The following FAM228A variants were observed in gnomAD, a reference collection of about 807,000 sequenced individuals.
The protein encoded by FAM228A is family with sequence similarity 228 member A.
In FAM228A, 13 loss-of-function variants were observed where a neutral mutation model predicts 18.6. That is an observed-to-expected ratio of 0.70 (90% confidence interval 0.45 to 1.11). The LOEUF (loss-of-function observed/expected upper bound fraction) is 1.11. FAM228A is among the 50% of genes least tolerant of loss of function. The pLI is 0.00. For missense variants in FAM228A, 240 were observed against 242.2 expected, an observed-to-expected ratio of 0.99 and a Z score of 0.06; for synonymous variants, 77 against 86.6, an observed-to-expected ratio of 0.89 and a Z score of 0.61.
At chr2:24,190,299 C>T (rs761316739) in intron 5 of FAM228A, 113 bp from the exon 6 acceptor site, 54 of 1,291,018 alleles carry the variant, frequency 4.2e-5, no homozygotes, top group Middle Eastern at 2.7e-4. Flanking sequence ...GCTGGTCAGT[C>T]GTTCCTTCTC....
chr2:24,175,391 C>A, intron 1 of FAM228A, 76 bp from the exon 2 acceptor site: 1 of 1,045,352 alleles, frequency 9.6e-7, no homozygotes, highest in Non-Finnish European at 1.5e-6. Context: ...GGGATTTGAA[C>A]ACTCCCTGAG....
At position 24,190,584 on chromosome 2, in the gene FAM228A, G is replaced by A. The variant is rs777963297; in HGVS notation, c.574G>A (p.Ala192Thr). The change falls in exon 6 of 6, where the codon GCA becomes ACA. Residue 192 changes from alanine (A) to threonine (T), a missense_variant. By Grantham distance (58) the Ala-to-Thr change is moderately conservative (BLOSUM62 0). Coordinates refer to ENST00000295150, the MANE Select transcript of FAM228A (RefSeq NM_001040710.3). ...VSRGLGRGWH[A>T]GLCSTHEQHI... The stretch of plus-strand genomic sequence containing the variant: ...CAGAGGCCTGGGGCGGGGCTGGCAT[G>A]CAGGGCTTTGCAGCACCCACGAGCA... The A allele has an allele frequency of 6.2e-7, 1 of 1,604,372 alleles. No homozygotes were observed. The highest frequency in any genetic ancestry group is 1.7e-5 in the Admixed American group (1 of 57,754).
rs1668066998 is a variant in FAM228A at position 24,190,830 on chromosome 2, C to T, written c.*199C>T. 7.9e-7 allele frequency: 1 copy of T among 1,268,382 alleles called. No individual in the cohort carries two copies. Among genetic ancestry groups the T allele is most frequent in the African/African-American group, 1.5e-5 (1 of 65,736 alleles). 78.6% of individuals were successfully genotyped at this position (1,268,382 alleles called of 1,614,324 possible). A position where few individuals can be genotyped will look rare whatever the true frequency, so the allele number is the denominator to read the frequency against. On this transcript the variant is annotated 3_prime_UTR_variant, in exon 6 of 6. Coordinates refer to ENST00000295150, the MANE Select transcript of FAM228A (RefSeq NM_001040710.3). ...TGGTAAATGTGGGACCTGGACCCCA[C>T]TTTCCGGAGACATCCTGTCCTTCCG...
At chr2:24,183,693 T>G (rs1256468511) in intron 5 of FAM228A, 48 bp downstream of exon 5, 1 of 1,501,408 alleles carries the variant, frequency 6.7e-7, no homozygotes, top group East Asian at 2.3e-5. Flanking sequence ...TGCAACTTAC[T>G]TTATTTCCTA....
intron 5 of FAM228A, among the ~76,000 whole-genome samples, chr2:24,186,524 A>G (rs1031795761): frequency 1.3e-5 from 2 of 151,378 alleles, no homozygotes; most frequent in African/African-American, 4.9e-5. Flanking sequence ...AAGGAAGTTC[A>G]TTTTCTTAGT....
rs567154124 is a variant in FAM228A, at chr2:24,175,890, C to G, written c.93+317C>G. On this transcript the variant is annotated intron_variant, in intron 2 of 5. Coordinates refer to ENST00000295150, the MANE Select transcript of FAM228A (RefSeq NM_001040710.3). The stretch of plus-strand genomic sequence containing the variant: ...TACTTCAGCGTCTGGTAATGATTTT[C>G]TCAAAAAGTTTCATTATTTTGTGTC... The G allele has an allele frequency of 7.4e-6, 8 of 1,082,928 alleles. No individual in the cohort carries two copies. In the East Asian group the frequency reaches 5.0e-4, roughly 67 times the overall value. 67.1% of individuals were successfully genotyped at this position (1,082,928 alleles called of 1,614,324 possible). A position where few individuals can be genotyped will look rare whatever the true frequency, so the allele number is the denominator to read the frequency against.
chr2:24,175,057 G>A lies in FAM228A; in HGVS notation c.-132G>A. On this transcript the variant is annotated 5_prime_UTR_variant, in exon 1 of 6. Transcript: ENST00000295150. ...CCCCGGGATCTGGCGTGGCGCATGC[G>A]CCCCGACGCTCGGGCCCGCGGGCTC... The A allele has an allele frequency of 6.2e-6, 1 of 161,554 alleles. No homozygotes were observed. The highest frequency in any genetic ancestry group is 1.3e-5 in the Non-Finnish European group (1 of 74,656). The allele number at this position is 161,554 out of a possible 1,614,324, so 10.0% of individuals were successfully genotyped here.
intron 5 of FAM228A, chr2:24,188,535 T>G (rs910011294): frequency 3.0e-5 from 30 of 985,212 alleles, no homozygotes; most frequent in Non-Finnish European, 3.6e-5. Context: ...GAGGGTGATG[T>G]TGAGAACAAG....
rs915916659 is a variant in FAM228A, at chr2:24,191,628, C to T, written c.*997C>T. ...CCCACCAGCTCACATTTACTGTTTTCGTGTGTGTGGTGAGAATACTCACAA... is the reference window on the plus strand; with the variant it reads ...CCCACCAGCTCACATTTACTGTTTTTGTGTGTGTGGTGAGAATACTCACAA... On this transcript the variant is annotated 3_prime_UTR_variant, in exon 6 of 6. Transcript: ENST00000295150. 7 of 363,264 alleles carry T rather than the reference C, an allele frequency of 1.9e-5. No homozygotes were observed. The highest frequency in any genetic ancestry group is 6.6e-5 in the African/African-American group (3 of 45,578). 22.5% of individuals were successfully genotyped at this position (363,264 alleles called of 1,614,324 possible).
At chr2:24,189,990 C>T (rs1668041597) in intron 5 of FAM228A, among the ~76,000 whole-genome samples, 1 of 152,164 alleles carries the variant, frequency 6.6e-6, no homozygotes, top group Non-Finnish European at 1.5e-5. Context: ...GGCTATGTGG[C>T]ACTCACCATT....
At chr2:24,180,557 T>C (rs1047876222) in intron 3 of FAM228A, among the ~76,000 whole-genome samples, 8 of 152,258 alleles carry the variant, frequency 5.3e-5, no homozygotes, top group Admixed American at 5.2e-4. Flanking sequence ...GAGCTCAAGA[T>C]TGAATCCAGA....
At chr2:24,190,072 G>T (rs1244987202) in intron 5 of FAM228A, among the ~76,000 whole-genome samples, 2 of 152,142 alleles carry the variant, frequency 1.3e-5, no homozygotes, top group Non-Finnish European at 2.9e-5. Context: ...TGTGAGTGCT[G>T]GCAAGTGGAG....
chr2:24,186,161 G>A (rs188333367), intron 5 of FAM228A, among the ~76,000 whole-genome samples: 227 of 151,960 alleles, frequency 1.5e-3, no homozygotes, highest in African/African-American at 1.1e-3. Flanking sequence ...CACCACACCC[G>A]GCTAATTTTT....
chr2:24,176,287 A>G (rs1667689967), intron 2 of FAM228A: 17 of 761,702 alleles, frequency 2.2e-5, no homozygotes, highest in Non-Finnish European at 2.7e-5. Context: ...CTAAATTTTT[A>G]TTGTAGTGTC....
intron 3 of FAM228A, among the ~76,000 whole-genome samples, chr2:24,182,349 T>C (rs1667834882): frequency 1.3e-5 from 2 of 152,132 alleles, no homozygotes; most frequent in South Asian, 4.1e-4. Context: ...AACAGATTCT[T>C]CTGGTTCTGG....
In FAM228A at chr2:24,190,946, C is replaced by G. The variant is rs1366044764; in HGVS notation, c.*315C>G. 2.8e-6 allele frequency: 3 copies of G among 1,079,342 alleles called. No individual in the cohort carries two copies. Among genetic ancestry groups the G allele is most frequent in the East Asian group, 1.2e-4 (2 of 17,194 alleles). The allele number at this position is 1,079,342 out of a possible 1,614,324, so 66.9% of individuals were successfully genotyped here. On this transcript the variant is annotated 3_prime_UTR_variant, in exon 6 of 6. Coordinates refer to ENST00000295150, the MANE Select transcript of FAM228A (RefSeq NM_001040710.3). ...CCTTTGCCCTTCTGCCACTTTCCTA[C>G]CATTTTCCACTTACTCCATCCAAAC...
chr2:24,190,465 C>G lies in FAM228A; in HGVS notation c.455C>G (p.Thr152Arg), dbSNP rs771231219. The change falls in exon 6 of 6, where the codon ACG (threonine) becomes AGG (arginine). Residue 152 changes from threonine (T) to arginine (R), a missense_variant. Transcript: ENST00000295150. ...DKKQKRKEKK[T>R]ADLSQAAFER... The stretch of plus-strand genomic sequence containing the variant: ...AAACAGAAAAGAAAAGAGAAAAAGA[C>G]GGCCGACCTAAGTCAGGCTGCGTTT... 2 of 1,614,090 alleles carry G rather than the reference C, an allele frequency of 1.2e-6. No individual in the cohort carries two copies. Among genetic ancestry groups the G allele is most frequent in the Non-Finnish European group, 1.7e-6 (2 of 1,180,006 alleles).
At chr2:24,175,402 C>A in intron 1 of FAM228A, 65 bp from the exon 2 acceptor site, 2 of 1,183,632 alleles carry the variant, frequency 1.7e-6, no homozygotes, top group Non-Finnish European at 2.5e-6. Context: ...ACTCCCTGAG[C>A]CCAAAGGCCT....
At chr2:24,185,825 A>C (rs1054757807) in intron 5 of FAM228A, among the ~76,000 whole-genome samples, 2 of 152,140 alleles carry the variant, frequency 1.3e-5, no homozygotes, top group Non-Finnish European at 2.9e-5. Context: ...AACTGTCTAA[A>C]GGTCTTGTAG....
Sources: gnomAD v4.1 joint callset for allele counts (sites outside exome capture counted in the v4.1 genomes callset) on GRCh38, gnomAD v4.1.1 for gene constraint, MANE v1.5 for transcripts, NCBI Gene and HGNC (gene_info 2026-07-23, HGNC 2026-07-21) for gene names.